The following PCDHA4 variants were observed in gnomAD, a reference collection of about 807,000 sequenced individuals.
PCDHA4 encodes the protein protocadherin alpha-4.
In PCDHA4, 49 loss-of-function variants were observed where a neutral mutation model predicts 61.4. That is an observed-to-expected ratio of 0.80 (90% CI 0.63 to 1.01). The LOEUF (loss-of-function observed/expected upper bound fraction) is 1.01. Among genes scored for constraint, PCDHA4 ranks in the 50% least tolerant of loss-of-function variants. The probability of loss-of-function intolerance (pLI) is 0.00; values close to 1 mark genes in which losing one functional copy is unlikely to be tolerated. For synonymous variants in PCDHA4, 590 were observed against 550.3 expected (o/e 1.07, Z -1.01); for missense variants, 1,254 against 1,235.8 (o/e 1.01, Z -0.22).
chr5:140,883,171 A>G, intron 1 of PCDHA4: 7 of 1,614,008 alleles, frequency 4.3e-6, no homozygotes, highest in Non-Finnish European at 5.9e-6. Flanking sequence ...ACAATGGAGA[A>G]ATTAGGACAA....
chr5:140,807,631 T>C lies in PCDHA4; in HGVS notation c.444T>C (p.Leu148=). 1 of 1,614,190 alleles carries C rather than the reference T, an allele frequency of 6.2e-7. No homozygotes were observed. Among genetic ancestry groups the C allele is most frequent in the Non-Finnish European group, 8.5e-7 (1 of 1,180,032 alleles). ...KNLSIAESRP[L]DSRFPLEGAS... ...TGTCCATCGCGGAATCCAGGCCGCTTGACTCTCGGTTTCCACTAGAGGGCG... is the reference window on the plus strand; with the variant it reads ...TGTCCATCGCGGAATCCAGGCCGCTCGACTCTCGGTTTCCACTAGAGGGCG... The change falls in exon 1 of 4, where the codon CTT becomes CTC. Residue 148 remains leucine (L), a synonymous_variant. Coordinates refer to ENST00000530339, the MANE Select transcript of PCDHA4 (RefSeq NM_018907.4).
chr5:140,819,774 A>G (rs1344723205), intron 1 of PCDHA4, among the ~76,000 whole-genome samples: 3 of 152,082 alleles, frequency 2.0e-5, no homozygotes, highest in Admixed American at 2.0e-4. Context: ...TGAAATATCT[A>G]TATAAGTACA....
At chr5:140,863,008 T>A (rs782045594) in intron 1 of PCDHA4, 1 of 551,826 alleles carries the variant, frequency 1.8e-6, no homozygotes, top group Non-Finnish European at 3.6e-6. Context: ...ACTCCAGCTA[T>A]GACGCCTGGT....
At chr5:140,842,510 C>T in intron 1 of PCDHA4, 1 of 1,613,738 alleles carries the variant, frequency 6.2e-7, no homozygotes. Flanking sequence ...CCCCTTCAAG[C>T]TGGTGTCCAC....
chr5:140,996,944 ATATT>A (rs2097754010), intron 3 of PCDHA4, among the ~76,000 whole-genome samples: 1 of 152,144 alleles, frequency 6.6e-6, no homozygotes, highest in Non-Finnish European at 1.5e-5. Flanking sequence ...TTGCATAGAA[ATATT>A]TATTTCCCTC....
At chr5:141,001,265 T>C (rs71583613) in intron 3 of PCDHA4, among the ~76,000 whole-genome samples, 24 of 152,168 alleles carry the variant, frequency 1.6e-4, no homozygotes, top group Admixed American at 7.2e-4. Flanking sequence ...GGCACTCTTA[T>C]GAACTTTTTT....
chr5:140,842,502 C>T, intron 1 of PCDHA4: 1 of 1,613,826 alleles, frequency 6.2e-7, no homozygotes, highest in South Asian at 1.1e-5. Context: ...CCCCATGTCC[C>T]CTTCAAGCTG....
Position 140,808,838 on chromosome 5 carries a change from C to T in PCDHA4, c.1651C>T (p.Leu551=). 1 of 1,613,150 alleles carries T rather than the reference C, an allele frequency of 6.2e-7. No individual in the cohort carries two copies. Among genetic ancestry groups the T allele is most frequent in the South Asian group, 1.1e-5 (1 of 91,076 alleles). The change falls in exon 1 of 4, where the codon CTG becomes TTG. Residue 551 remains leucine (L), a synonymous_variant. Coordinates refer to ENST00000530339, the MANE Select transcript of PCDHA4 (RefSeq NM_018907.4). The stretch of plus-strand genomic sequence containing the variant: ...GCCACCTCTGGGCAGCAACGTGACG[C>T]TGCAGGTGTTCGTGCTGGACGAAAA... ...GVPPLGSNVT[L]QVFVLDENDN...
At position 140,807,133 on chromosome 5, in the gene PCDHA4, T is replaced by G; in HGVS notation, c.-55T>G. 4 of 1,559,192 alleles carry G rather than the reference T, an allele frequency of 2.6e-6. No individual in the cohort carries two copies. The highest frequency in any genetic ancestry group is 3.5e-6 in the Non-Finnish European group (4 of 1,149,856). ...GCACTTGACTGACCGATTAAAAGAT[T>G]TCCCTTGACTTTGAGAAACGATATT... On this transcript the variant is annotated 5_prime_UTR_variant, in exon 1 of 4. In the 5' UTR this introduces an upstream ATG that the reference lacks. Transcript: ENST00000530339.
At chr5:140,822,973 T>G in intron 1 of PCDHA4, 1 of 1,614,248 alleles carries the variant, frequency 6.2e-7, no homozygotes, top group Non-Finnish European at 8.5e-7. Context: ...GGTGTCCACC[T>G]TCAAGAATTA....
chr5:140,858,571 C>A lies in PCDHA4; in HGVS notation c.2385+48999C>A, dbSNP rs377514565. On this transcript the variant is annotated intron_variant, in intron 1 of 3. Transcript: ENST00000530339. ...TATGCTTGAATATTTCTAGTGATAC[C>A]TTTGTAATATAATTTATTCCAGGAG... 1.0e-4 allele frequency: 142 copies of A among 1,362,202 alleles called. 6 individuals carry two copies. The highest frequency in any genetic ancestry group is 1.4e-4 in the Non-Finnish European group (135 of 988,482). The allele number at this position is 1,362,202 out of a possible 1,614,324, so 84.4% of individuals were successfully genotyped here. A position where few individuals can be genotyped will look rare whatever the true frequency, so the allele number is the denominator to read the frequency against.
chr5:141,004,094 G>C (rs962663466), intron 3 of PCDHA4, among the ~76,000 whole-genome samples: 1 of 152,194 alleles, frequency 6.6e-6, no homozygotes, highest in African/African-American at 2.4e-5. Flanking sequence ...TGCTTCTTCC[G>C]TTTTCATCTT....
intron 1 of PCDHA4, chr5:140,836,159 G>A (rs2150254425): frequency 6.2e-7 from 1 of 1,613,838 alleles, no homozygotes. Context: ...ATGTGGTGGC[G>A]AAGGTACGTG....
At chr5:140,883,138 A>G (rs967946520) in intron 1 of PCDHA4, 3 of 1,614,120 alleles carry the variant, frequency 1.9e-6, no homozygotes, top group Non-Finnish European at 2.5e-6. Flanking sequence ...CTGCAGTGGT[A>G]TATGCATTTA....
At chr5:140,943,019 G>A (rs1554215345) in intron 1 of PCDHA4, among the ~76,000 whole-genome samples, 1 of 152,068 alleles carries the variant, frequency 6.6e-6, no homozygotes, top group Non-Finnish European at 1.5e-5. Flanking sequence ...CACTTTGGGA[G>A]GCTGAGGTGG....
At chr5:140,829,112 T>A (rs2150162678) in intron 1 of PCDHA4, 31 of 1,612,052 alleles carry the variant, frequency 1.9e-5, no homozygotes, top group Non-Finnish European at 1.7e-6. Context: ...AGTGAGAATT[T>A]TGGATAAAAA....
At chr5:140,852,787 T>G in intron 1 of PCDHA4, 1 of 977,880 alleles carries the variant, frequency 1.0e-6, no homozygotes, top group Non-Finnish European at 1.2e-6. Context: ...AATAGAGGGA[T>G]GCTACAGATG....
intron 1 of PCDHA4, chr5:140,966,881 C>A: frequency 6.3e-7 from 1 of 1,589,072 alleles, no homozygotes. Context: ...GCTACCTGGC[C>A]CTGCGGCCTC....
At chr5:140,834,129 A>G in intron 1 of PCDHA4, 1 of 450,824 alleles carries the variant, frequency 2.2e-6, no homozygotes, top group Non-Finnish European at 3.9e-6. Context: ...AAAACTTTTC[A>G]TCTGATTAAT....
Sources: gnomAD v4.1 joint callset for allele counts (sites outside exome capture counted in the v4.1 genomes callset) on GRCh38, gnomAD v4.1.1 for gene constraint, MANE v1.5 for transcripts, NCBI Gene and HGNC (gene_info 2026-07-23, HGNC 2026-07-21) for gene names.